IGSF11: variants seen among roughly 807,000 people sequenced by gnomAD.
IGSF11 encodes CXADR like 1.
IGSF11 carries 22 observed loss-of-function variants against 41.0 expected under a neutral mutation model. The observed-to-expected ratio is 0.54, with a 90% CI of 0.38 to 0.77. The LOEUF (loss-of-function observed/expected upper bound fraction) is 0.77, where lower values mean the gene tolerates loss of function less well. IGSF11 is among the 30% of genes least tolerant of loss of function. The pLI, the probability that IGSF11 is intolerant of heterozygous loss-of-function variation, is 0.00. For missense variants in IGSF11, 444 were observed against 530.8 expected (o/e 0.84, Z 1.61); for synonymous variants, 219 against 201.3 (o/e 1.09, Z -0.74).
At chr3:119,088,238 GA>G (rs34566760) in intron 1 of IGSF11, among the ~76,000 whole-genome samples, 57,656 of 146,752 alleles carry the variant, frequency 0.39, 12,796 homozygotes, top group Non-Finnish European at 0.51. Context: ...GGACCACGGT[GA>G]AAAAAAAAAA....
chr3:118,981,074 GATCAC>G (rs1934666422), intron 1 of IGSF11, among the ~76,000 whole-genome samples: 1 of 152,168 alleles, frequency 6.6e-6, no homozygotes, highest in South Asian at 2.1e-4. Flanking sequence ...TCACCTCAAG[GATCAC>G]TTGTGTTTAT....
In IGSF11 at chr3:118,902,602, G is replaced by T. The variant is rs777673476; in HGVS notation, c.1214C>A (p.Thr405Asn). ...TCGTTCCAGTGTTGCGTGGCTGATG[G>T]TGTAGGAATGAGTGTGTGGAGGCCG... ...KPRPPHTHSYTISHATLERIG... is the reference protein window; with the variant it reads ...KPRPPHTHSYNISHATLERIG... Residue 405 changes from threonine (T) to asparagine (N), a missense_variant, in exon 7 of 7, where the codon ACC becomes AAC. By Grantham distance (65) the Thr-to-Asn change is moderately conservative. Around this residue, in one of 3 missense-constraint regions of IGSF11, gnomAD observed 223 missense variants for 226.2 expected, o/e 0.99. Coordinates refer to ENST00000393775, the MANE Select transcript of IGSF11 (RefSeq NM_001015887.3). 4 of 1,614,104 alleles carry T rather than the reference G, an allele frequency of 2.5e-6. No individual in the cohort carries two copies. The highest frequency in any genetic ancestry group is 3.4e-6 in the Non-Finnish European group (4 of 1,179,990).
chr3:119,088,870 C>T (rs2076718844), intron 1 of IGSF11, among the ~76,000 whole-genome samples: 1 of 152,106 alleles, frequency 6.6e-6, no homozygotes, highest in Non-Finnish European at 1.5e-5. Context: ...CCTGGAAGCA[C>T]ATAAACTCCC....
intron 1 of IGSF11, among the ~76,000 whole-genome samples, chr3:118,979,856 G>A (rs1339599271): frequency 2.6e-5 from 4 of 152,010 alleles, no homozygotes; most frequent in Non-Finnish European, 5.9e-5. Flanking sequence ...GTCAAAAGAC[G>A]TACATAGAAA....
chr3:119,116,761 C>T lies in IGSF11; in HGVS notation c.-13-11556G>A, dbSNP rs555412307. ...ATTCACCAATTACTCTTGCAAATAA[C>T]ACCATTATGGTAGATTGGCCTTTTG... is the stretch of plus-strand genomic sequence containing the variant. On this transcript the variant is annotated intron_variant, in intron 1 of 7. Coordinates refer to the IGSF11 transcript ENST00000425327. Among the ~76,000 whole-genome samples, 19 of 152,290 alleles carry T rather than the reference C, an allele frequency of 1.2e-4. No individual in the cohort carries two copies. In the South Asian group the frequency reaches 3.7e-3, roughly 30 times the overall value.
At chr3:118,985,722 C>T (rs1223502337) in intron 1 of IGSF11, among the ~76,000 whole-genome samples, 1 of 152,142 alleles carries the variant, frequency 6.6e-6, no homozygotes, top group Non-Finnish European at 1.5e-5. Flanking sequence ...AATTGGTCTC[C>T]TCAATTAGTC....
rs189024775 is a variant in IGSF11, at chr3:119,067,629, A to G, written c.49+37515T>C. On this transcript the variant is annotated intron_variant, in intron 1 of 6. Transcript: ENST00000354673. The stretch of plus-strand genomic sequence containing the variant: ...CTTGACTAACGTACTGTGGGGAAAA[A>G]ACTTTAGATTTTTTTTTAGACATGC... Among the ~76,000 whole-genome samples the G allele has an allele frequency of 1.7e-4, 26 of 151,824 alleles. No individual in the cohort carries two copies. The East Asian group carries it at 4.6e-3, about 27-fold the overall frequency.
At chr3:118,902,983 C>T (rs988057038) in intron 6 of IGSF11, 22 bp from the exon 7 acceptor site, 15 of 1,603,460 alleles carry the variant, frequency 9.4e-6, no homozygotes, top group African/African-American at 8.0e-5. Context: ...AAAATAAAGT[C>T]GTTGTTAGGA....
At chr3:119,081,653 C>G (rs2076587885) in intron 1 of IGSF11, among the ~76,000 whole-genome samples, 1 of 152,224 alleles carries the variant, frequency 6.6e-6, no homozygotes, top group Non-Finnish European at 1.5e-5. Flanking sequence ...TACTTTACCA[C>G]AGGGAGCCTC....
chr3:119,130,775 C>T (rs985476523), intron 1 of IGSF11, among the ~76,000 whole-genome samples: 2 of 152,200 alleles, frequency 1.3e-5, no homozygotes, highest in Non-Finnish European at 2.9e-5. Flanking sequence ...AGACACCTCC[C>T]AGTAGGGGCC....
intron 1 of IGSF11, among the ~76,000 whole-genome samples, chr3:119,059,093 G>A (rs1941963668): frequency 6.6e-6 from 1 of 151,656 alleles, no homozygotes; most frequent in African/African-American, 2.4e-5. Context: ...CCTGCACGTT[G>A]TGCACATGTA....
chr3:118,954,878 C>A (rs559400689), intron 1 of IGSF11, among the ~76,000 whole-genome samples: 3 of 151,994 alleles, frequency 2.0e-5, no homozygotes, highest in East Asian at 1.9e-4. Flanking sequence ...CTTACTCCTG[C>A]AAGAATGGCC....
intron 4 of IGSF11, among the ~76,000 whole-genome samples, chr3:118,912,611 T>C (rs1016524411): frequency 2.0e-5 from 3 of 152,066 alleles, no homozygotes; most frequent in African/African-American, 7.3e-5. Flanking sequence ...AAACATAACC[T>C]ACAGCTTAGA....
intron 1 of IGSF11, among the ~76,000 whole-genome samples, chr3:119,089,891 G>A (rs562755352): frequency 4.6e-5 from 7 of 152,226 alleles, no homozygotes; most frequent in African/African-American, 1.7e-4. Context: ...CAGACTGGGT[G>A]GCACTTGCCT....
chr3:118,916,092 A>T (rs1941048934), intron 4 of IGSF11, among the ~76,000 whole-genome samples: 1 of 150,464 alleles, frequency 6.6e-6, no homozygotes, highest in African/African-American at 2.5e-5. Context: ...GCCCTAAAAG[A>T]GCTCCTGAAG....
At chr3:118,953,751 TG>T (rs1944756757) in intron 1 of IGSF11, among the ~76,000 whole-genome samples, 1 of 152,188 alleles carries the variant, frequency 6.6e-6, no homozygotes, top group South Asian at 2.1e-4. Context: ...TTGGATAGTT[TG>T]TTTTTTTCTT....
At chr3:118,910,280 A>T (rs1940108144) in intron 4 of IGSF11, among the ~76,000 whole-genome samples, 1 of 152,236 alleles carries the variant, frequency 6.6e-6, no homozygotes, top group South Asian at 2.1e-4. Context: ...GCTTTCCTCA[A>T]GCAAACTTCT....
intron 1 of IGSF11, among the ~76,000 whole-genome samples, chr3:119,077,183 C>G (rs929450637): frequency 6.6e-6 from 1 of 151,976 alleles, no homozygotes; most frequent in African/African-American, 2.4e-5. Flanking sequence ...AAACCAAACA[C>G]TGCATGTTCT....
At chr3:119,074,723 G>A (rs566881702) in intron 1 of IGSF11, among the ~76,000 whole-genome samples, 1 of 152,060 alleles carries the variant, frequency 6.6e-6, no homozygotes, top group Admixed American at 6.6e-5. Context: ...ATGGTGGCAG[G>A]TGCCTGTAGT....
Sources: gnomAD v4.1 joint callset for allele counts (sites outside exome capture counted in the v4.1 genomes callset) on GRCh38, gnomAD v4.1.1 for gene constraint, gnomAD v4.1.1 regional missense constraint, MANE v1.5 for transcripts, NCBI Gene and HGNC (gene_info 2026-07-23, HGNC 2026-07-21) for gene names.